The following MFF variants were observed in gnomAD, a reference collection of about 807,000 sequenced individuals.
MFF encodes mitochondrial fission factor.
In MFF, 12 loss-of-function variants were observed where a neutral mutation model predicts 36.9. The ratio of observed to expected loss-of-function variants is 0.33; its 90% confidence interval spans 0.21 to 0.53. The LOEUF (loss-of-function observed/expected upper bound fraction) is 0.53. Among genes scored for constraint, MFF ranks in the 20% least tolerant of loss-of-function variants. The probability of loss-of-function intolerance (pLI) is 0.95; values close to 1 mark genes in which losing one functional copy is unlikely to be tolerated. For missense variants in MFF, 348 were observed against 366.6 expected (o/e 0.95, Z 0.42); for synonymous variants, 99 against 126.2 (o/e 0.78, Z 1.44).
intron 5 of MFF, chr2:227,342,839 G>T (rs375796833): frequency 1.0e-5 from 16 of 1,602,648 alleles, no homozygotes; most frequent in Non-Finnish European, 1.4e-5. Flanking sequence ...TATCTGCTCT[G>T]CTTTTGACAA....
At chr2:227,345,761 T>C (rs548377689) in intron 5 of MFF, among the ~76,000 whole-genome samples, 88 of 152,288 alleles carry the variant, frequency 5.8e-4, no homozygotes, top group African/African-American at 2.1e-3. Context: ...CATGGATCAG[T>C]AGATAATGTT....
Position 227,330,620 on chromosome 2 carries a change from C to G in MFF, c.-40-6C>G. On this transcript the variant is annotated splice_polypyrimidine_tract_variant and splice_region_variant and intron_variant, in intron 2 of 8. Coordinates refer to ENST00000304593, the MANE Select transcript of MFF (RefSeq NM_001277062.2). ...TCAGCCCTGTCTTTAAATTTTTCTCCCACAGGGTGAGCAGGGCAGCATTTC... is the reference window on the plus strand; with the variant it reads ...TCAGCCCTGTCTTTAAATTTTTCTCGCACAGGGTGAGCAGGGCAGCATTTC... 7.0e-7 allele frequency: 1 copy of G among 1,419,160 alleles called. No homozygotes were observed. Among genetic ancestry groups the G allele is most frequent in the Non-Finnish European group, 9.4e-7 (1 of 1,061,782 alleles). The allele number at this position is 1,419,160 out of a possible 1,614,324, so 87.9% of individuals were successfully genotyped here.
At chr2:227,337,314 C>A (rs6436683) in intron 4 of MFF, among the ~76,000 whole-genome samples, 151,002 of 152,374 alleles carry the variant, frequency 0.99, 74,826 homozygotes, top group East Asian at 1. Flanking sequence ...TTGGACAATG[C>A]ACATGTTGGG....
At chr2:227,337,023 T>C (rs2075057381) in intron 4 of MFF, among the ~76,000 whole-genome samples, 1 of 152,244 alleles carries the variant, frequency 6.6e-6, no homozygotes. Flanking sequence ...TTGAGCTCTT[T>C]TTCCTTCCTC....
chr2:227,336,258 G>C (rs1052831454), intron 4 of MFF, among the ~76,000 whole-genome samples: 1 of 152,186 alleles, frequency 6.6e-6, no homozygotes, highest in Non-Finnish European at 1.5e-5. Context: ...GAAAAAATCA[G>C]CTACAATAAA....
At chr2:227,325,685 C>G (rs1437590973) in intron 1 of MFF, 1 of 152,238 alleles carries the variant, frequency 6.6e-6, no homozygotes, top group East Asian at 1.9e-4. Flanking sequence ...ACCTCTTCAC[C>G]TTGTGTGGTT....
At chr2:227,352,713 T>C (rs1036433887) in intron 7 of MFF, 140 bp downstream of exon 7, 2 of 709,338 alleles carry the variant, frequency 2.8e-6, no homozygotes, top group African/African-American at 3.5e-5. Flanking sequence ...TACATCTTGC[T>C]TCTCTCTAAG....
chr2:227,332,417 A>G lies in MFF; in HGVS notation c.182-2A>G, dbSNP rs1180851483. ...TTTGTCTCTTTTCTTGAAAACTCCT[A>G]GGAAATAATGAAGATGTTTCATTTT... On this transcript the variant is annotated splice_acceptor_variant, in intron 3 of 8. Transcript: ENST00000304593. LOFTEE classifies it high-confidence loss of function. The G allele has an allele frequency of 6.3e-7, 1 of 1,597,994 alleles. No individual in the cohort carries two copies. Among genetic ancestry groups the G allele is most frequent in the Admixed American group, 1.8e-5 (1 of 55,462 alleles).
At chr2:227,340,204 G>A (rs2075311526) in intron 4 of MFF, 88 bp from the exon 5 acceptor site, 3 of 1,061,622 alleles carry the variant, frequency 2.8e-6, no homozygotes, top group Non-Finnish European at 4.2e-6. Flanking sequence ...TTTTTGAGTA[G>A]CCTTGTATCG....
chr2:227,354,318 T>C (rs949261557), intron 7 of MFF, among the ~76,000 whole-genome samples: 1 of 152,238 alleles, frequency 6.6e-6, no homozygotes, highest in African/African-American at 2.4e-5. Flanking sequence ...CTGCTTCATA[T>C]CCCTTTTTGT....
intron 5 of MFF, among the ~76,000 whole-genome samples, chr2:227,342,073 T>TA (rs1475732432): frequency 2.0e-5 from 3 of 152,098 alleles, no homozygotes; most frequent in African/African-American, 7.2e-5. Flanking sequence ...TGTTAACTAA[T>TA]ACTTGATTTT....
intron 5 of MFF, 108 bp from the exon 6 acceptor site, chr2:227,347,117 GA>G (rs2075754605): frequency 2.3e-6 from 2 of 886,056 alleles, no homozygotes; most frequent in South Asian, 1.8e-5. Context: ...TGAAGGGTGG[GA>G]AAGGGGCAAG....
At chr2:227,352,631 C>T (rs112530451) in intron 7 of MFF, 58 bp downstream of exon 7, 4 of 1,367,638 alleles carry the variant, frequency 2.9e-6, no homozygotes, top group Non-Finnish European at 4.0e-6. Flanking sequence ...TTGTGTGTTG[C>T]AGGGCATGTT....
chr2:227,332,525 G>A lies in MFF; in HGVS notation c.288G>A (p.Leu96=), dbSNP rs891041894. Residue 96 remains leucine, a synonymous_variant, in exon 4 of 9, where the codon CTG becomes CTA. Coordinates refer to ENST00000304593, the MANE Select transcript of MFF (RefSeq NM_001277062.2). ...AAACACCACCTCGTGTACTTACGCT[G>A]AGTGAAAGACCACTAGATTTTCTGG... is the stretch of plus-strand genomic sequence containing the variant. ...ALKTPPRVLT[L]SERPLDFLDL... is the part of the protein sequence containing the mutation. 6.2e-7 allele frequency: 1 copy of A among 1,613,616 alleles called. No individual in the cohort carries two copies.
intron 4 of MFF, among the ~76,000 whole-genome samples, chr2:227,339,247 A>G (rs1415612198): frequency 1.6e-4 from 24 of 152,054 alleles, no homozygotes; most frequent in Admixed American, 1.6e-3. Context: ...AAAGTTAATG[A>G]TTATCACTGT....
Position 227,352,663 on chromosome 2 carries a change from GT to G in MFF, c.659+93del. On this transcript the variant is annotated intron_variant, in intron 7 of 8. Transcript: ENST00000304593. Reference sequence around the variant, plus strand: ...TGTTGCATGTCGTAGCCATGCCTGTGTTTGTAGCTGAACTTGTTTCTACAGC... The same window carrying G: ...TGTTGCATGTCGTAGCCATGCCTGTGTTGTAGCTGAACTTGTTTCTACAGC... 3 of 1,029,340 alleles carry G rather than the reference GT, an allele frequency of 2.9e-6. No individual in the cohort carries two copies. In the South Asian group the frequency reaches 4.1e-5, roughly 14 times the overall value. The allele number at this position is 1,029,340 out of a possible 1,614,324, so 63.8% of individuals were successfully genotyped here. A position where few individuals can be genotyped will look rare whatever the true frequency, so the allele number is the denominator to read the frequency against.
In MFF at chr2:227,340,368, G is replaced by C. The variant is rs995212395; in HGVS notation, c.428G>C (p.Arg143Thr). 6.2e-7 allele frequency: 1 copy of C among 1,613,462 alleles called. No individual in the cohort carries two copies. Among genetic ancestry groups the C allele is most frequent in the Admixed American group, 1.7e-5 (1 of 60,004 alleles). ...NAVRQNGQLV[R>T]NDSLVTPSPQ... ...GTTCGCCAAAATGGACAGCTGGTCA[G>C]AAATGATTCTCTGTGAGTAGAAGCA... is the stretch of plus-strand genomic sequence containing the variant. Residue 143 changes from arginine (R) to threonine (T), a missense_variant, in exon 5 of 9, where the codon AGA becomes ACA. Coordinates refer to ENST00000304593, the MANE Select transcript of MFF (RefSeq NM_001277062.2).
At chr2:227,329,127 A>T (rs1683629761) in intron 2 of MFF, 1 of 152,356 alleles carries the variant, frequency 6.6e-6, no homozygotes. Context: ...TGTAATTTCC[A>T]TTTGAAGTTT....
At chr2:227,331,949 C>T (rs117710379) in intron 3 of MFF, among the ~76,000 whole-genome samples, 13 of 142,666 alleles carry the variant, frequency 9.1e-5, no homozygotes, top group African/African-American at 1.8e-4. Context: ...AATGTCAATA[C>T]GCTGGAAGCA....
Sources: allele counts gnomAD v4.1 joint callset (sites outside exome capture counted in the v4.1 genomes callset), GRCh38; gene constraint gnomAD v4.1.1; transcripts MANE v1.5; gene names NCBI Gene and HGNC (gene_info 2026-07-23, HGNC 2026-07-21).